The following PLEK variants were observed in gnomAD, a reference collection of about 807,000 sequenced individuals.
PLEK encodes the protein pleckstrin, also known as platelet 47 kDa protein.
In PLEK, 25 loss-of-function variants were observed where a neutral mutation model predicts 43.9. The observed-to-expected ratio is 0.57, with a 90% CI of 0.41 to 0.79. The LOEUF is 0.79. PLEK is among the 30% of genes least tolerant of loss of function. PLEK has a pLI of 0.00. For missense variants in PLEK, 396 were observed against 413.3 expected, an observed-to-expected ratio of 0.96 and a Z score of 0.36; for synonymous variants, 152 against 144.4, an observed-to-expected ratio of 1.05 and a Z score of -0.38.
At chr2:68,373,018 A>G (rs1490638396) in intron 1 of PLEK, among the ~76,000 whole-genome samples, 1 of 151,590 alleles carries the variant, frequency 6.6e-6, no homozygotes, top group African/African-American at 2.4e-5. Context: ...ATATGGTGAC[A>G]GTGTTGGTAG....
chr2:68,370,651 A>G (rs1440426216), intron 1 of PLEK, among the ~76,000 whole-genome samples: 3 of 152,114 alleles, frequency 2.0e-5, no homozygotes, highest in African/African-American at 7.2e-5. Context: ...AAGCCCAGCT[A>G]ATTTTTATAT....
Position 68,388,318 on chromosome 2 carries a change from A to G in PLEK, c.658-69A>G, listed in dbSNP as rs546185152. 7.4e-5 allele frequency: 63 copies of G among 855,640 alleles called. No individual in the cohort carries two copies. The East Asian group carries it at 1.4e-3, about 19-fold the overall frequency. The allele number at this position is 855,640 out of a possible 1,614,324, so 53.0% of individuals were successfully genotyped here. ...CCCTCATGGCTGGAGGGGAGGGGGA[A>G]TGGAGATGGCACAAGTTGCAATGTG... On this transcript the variant is annotated intron_variant, in intron 5 of 8. Coordinates refer to ENST00000234313, the MANE Select transcript of PLEK (RefSeq NM_002664.3).
At chr2:68,393,389 C>A (rs1402605777) in intron 7 of PLEK, 144 bp downstream of exon 7, 7 of 632,348 alleles carry the variant, frequency 1.1e-5, no homozygotes, top group East Asian at 2.7e-5. Context: ...TCTCCTCTAC[C>A]TTTTTCTATC....
chr2:68,380,298 C>A, intron 1 of PLEK, 30 bp from the exon 2 acceptor site: 1 of 1,580,108 alleles, frequency 6.3e-7, no homozygotes, highest in Non-Finnish European at 8.6e-7. Flanking sequence ...AGAGCCCTGT[C>A]CATCTCAGCT....
At chr2:68,392,213 G>A (rs972040985) in intron 6 of PLEK, among the ~76,000 whole-genome samples, 12 of 128,036 alleles carry the variant, frequency 9.4e-5, no homozygotes, top group South Asian at 2.3e-4. Context: ...CTCCTCTTCC[G>A]CCTCTTCTTC....
At chr2:68,366,642 T>A (rs968770816) in intron 1 of PLEK, among the ~76,000 whole-genome samples, 5 of 152,218 alleles carry the variant, frequency 3.3e-5, no homozygotes, top group Admixed American at 3.3e-4. Context: ...GGAGAATAAG[T>A]GGGCCCTCAG....
chr2:68,395,895 C>A lies in PLEK; in HGVS notation c.*79C>A. ...GTCCAGGACCTGTCCACTTCTGTGACAAATCAACGGGAAACAGCCCAGGGG... is the reference window on the plus strand; with the variant it reads ...GTCCAGGACCTGTCCACTTCTGTGAAAAATCAACGGGAAACAGCCCAGGGG... On this transcript the variant is annotated 3_prime_UTR_variant, in exon 9 of 9. Transcript: ENST00000234313. The A allele has an allele frequency of 1.5e-6, 2 of 1,312,274 alleles. No individual in the cohort carries two copies. Among genetic ancestry groups the A allele is most frequent in the Non-Finnish European group, 2.2e-6 (2 of 920,298 alleles). The allele number at this position is 1,312,274 out of a possible 1,614,324, so 81.3% of individuals were successfully genotyped here. A position where few individuals can be genotyped will look rare whatever the true frequency, so the allele number is the denominator to read the frequency against.
At chr2:68,374,863 T>C (rs1673473426) in intron 1 of PLEK, among the ~76,000 whole-genome samples, 2 of 152,232 alleles carry the variant, frequency 1.3e-5, no homozygotes, top group Admixed American at 1.3e-4. Flanking sequence ...TAGGTTGTTT[T>C]CCATAGTATA....
rs372538716 is a variant in PLEK at position 68,388,421 on chromosome 2, G to A, written c.692G>A (p.Ser231Asn). ...DSGFFCEENS[S>N]DDDVILKEEF... ...GGGTTCTTCTGTGAAGAGAATTCCA[G>A]TGATGATGATGTGATTCTGAAAGAA... The change falls in exon 6 of 9, where the codon AGT becomes AAT. Residue 231 changes from serine (S) to asparagine (N), a missense_variant. Transcript: ENST00000234313. 8.7e-6 allele frequency: 14 copies of A among 1,611,508 alleles called. No individual in the cohort carries two copies. Among genetic ancestry groups the A allele is most frequent in the Non-Finnish European group, 1.1e-5 (13 of 1,177,620 alleles).
intron 5 of PLEK, 29 bp from the exon 6 acceptor site, chr2:68,388,358 T>C (rs2103780788): frequency 7.6e-7 from 1 of 1,313,252 alleles, no homozygotes; most frequent in Non-Finnish European, 1.1e-6. Flanking sequence ...AGACTGGTGA[T>C]GTTAGCTTGC....
Position 68,395,986 on chromosome 2 carries a change from C to A in PLEK, c.*170C>A. 1 of 630,024 alleles carries A rather than the reference C, an allele frequency of 1.6e-6. No homozygotes were observed. The highest frequency in any genetic ancestry group is 2.9e-6 in the Non-Finnish European group (1 of 348,226). 39.0% of individuals were successfully genotyped at this position (630,024 alleles called of 1,614,324 possible). On this transcript the variant is annotated 3_prime_UTR_variant, in exon 9 of 9. Coordinates refer to ENST00000234313, the MANE Select transcript of PLEK (RefSeq NM_002664.3). Reference sequence around the variant, plus strand: ...CCATGTGGTGTGCAAGGTTCCCCTGCATTGTATTGCTCACTGCAGCCCCTC... The same window carrying A: ...CCATGTGGTGTGCAAGGTTCCCCTGAATTGTATTGCTCACTGCAGCCCCTC...
In PLEK at chr2:68,382,509, T is replaced by C. The variant is rs376816710; in HGVS notation, c.381-33T>C. The C allele has an allele frequency of 7.0e-6, 9 of 1,293,844 alleles. 1 individual carries two copies. In the African/African-American group the frequency reaches 8.9e-5, roughly 13 times the overall value. The allele number at this position is 1,293,844 out of a possible 1,614,324, so 80.1% of individuals were successfully genotyped here. On this transcript the variant is annotated intron_variant, in intron 3 of 8. Transcript: ENST00000234313. ...TCATCCAACTGGGTTTTTTTTTGTT[T>C]GTTTGTTTGTTTGCTTTTTTATCTC...
At chr2:68,387,389 C>A (rs1255644087) in intron 5 of PLEK, among the ~76,000 whole-genome samples, 1 of 152,186 alleles carries the variant, frequency 6.6e-6, no homozygotes, top group Non-Finnish European at 1.5e-5. Flanking sequence ...GAGGGACAGG[C>A]AAAAATCCTG....
intron 1 of PLEK, among the ~76,000 whole-genome samples, chr2:68,365,843 G>A (rs1363804197): frequency 6.6e-6 from 1 of 152,076 alleles, no homozygotes; most frequent in African/African-American, 2.4e-5. Context: ...TAATGATAGA[G>A]TAATTACGGC....
rs897110810 is a variant in PLEK at position 68,384,016 on chromosome 2, G to A, written c.472+1383G>A. Among the ~76,000 whole-genome samples, 11 of 152,218 alleles carry A rather than the reference G, an allele frequency of 7.2e-5. No homozygotes were observed. In the South Asian group the frequency reaches 1.2e-3, roughly 17 times the overall value. ...GGAAGTTCCCAACTCTATCAGGACC[G>A]AGGTCACTGCAACAGCCTTGGGCAA... On this transcript the variant is annotated intron_variant, in intron 4 of 8. Coordinates refer to ENST00000234313, the MANE Select transcript of PLEK (RefSeq NM_002664.3).
chr2:68,389,851 A>G (rs988993854), intron 6 of PLEK, among the ~76,000 whole-genome samples: 6 of 152,086 alleles, frequency 3.9e-5, no homozygotes, highest in African/African-American at 9.7e-5. Flanking sequence ...AAATATTCCT[A>G]TGTTCCTGGC....
At chr2:68,370,805 A>G (rs528122615) in intron 1 of PLEK, among the ~76,000 whole-genome samples, 157 of 152,256 alleles carry the variant, frequency 1.0e-3, no homozygotes, top group Non-Finnish European at 1.9e-3. Context: ...TTACATCCCA[A>G]CAACCAGGCC....
rs903609184 is a variant in PLEK at position 68,395,681 on chromosome 2, C to A, written c.918C>A (p.Gly306=). Reference sequence around the variant, plus strand: ...GCCATTTGCCTTCTCTTTCCCCAGGCAGGAAGAGTGAGGAAGAGAACCTTT... The same window carrying A: ...GCCATTTGCCTTCTCTTTCCCCAGGAAGGAAGAGTGAGGAAGAGAACCTTT... ...VVTSVESNSN[G]RKSEEENLFE... is the part of the protein sequence containing the mutation. The change falls in exon 9 of 9, where the codon GGC becomes GGA. Residue 306 remains glycine, a splice_region_variant and synonymous_variant. Coordinates refer to ENST00000234313, the MANE Select transcript of PLEK (RefSeq NM_002664.3). 8 of 1,613,926 alleles carry A rather than the reference C, an allele frequency of 5.0e-6. No homozygotes were observed. Among genetic ancestry groups the A allele is most frequent in the Non-Finnish European group, 6.8e-6 (8 of 1,179,958 alleles).
intron 1 of PLEK, among the ~76,000 whole-genome samples, chr2:68,371,179 C>T (rs1040194370): frequency 3.9e-5 from 6 of 152,158 alleles, no homozygotes; most frequent in African/African-American, 1.4e-4. Context: ...TTTTATTCAT[C>T]TGTTAACAAG....
Sources: allele counts gnomAD v4.1 joint callset (sites outside exome capture counted in the v4.1 genomes callset), GRCh38; gene constraint gnomAD v4.1.1; transcripts MANE v1.5; gene names NCBI Gene and HGNC (gene_info 2026-07-23, HGNC 2026-07-21).